The following FRMD4A variants were observed in gnomAD, a reference collection of about 807,000 sequenced individuals.
The protein encoded by FRMD4A is FERM domain-containing protein 4A.
A neutral mutation model predicts 129.1 loss-of-function variants in FRMD4A; 29 were observed. That is an observed-to-expected ratio of 0.22 (90% CI 0.17 to 0.31). The LOEUF is 0.31. Among genes scored for constraint, FRMD4A ranks in the 10% least tolerant of loss-of-function variants. FRMD4A has a pLI of 1.00. For missense variants in FRMD4A, 1,272 were observed against 1,375.8 expected, an observed-to-expected ratio of 0.92 and a Z score of 1.19; for synonymous variants, 634 against 571.6, an observed-to-expected ratio of 1.11 and a Z score of -1.56.
At chr10:14,089,709 G>A (rs1201131800) in intron 2 of FRMD4A, among the ~76,000 whole-genome samples, 1 of 151,026 alleles carries the variant, frequency 6.6e-6, no homozygotes, top group Non-Finnish European at 1.5e-5. Context: ...ATTTTCGCTT[G>A]TGGGAAAATA....
At chr10:13,945,942 A>G (rs2095328053) in intron 2 of FRMD4A, among the ~76,000 whole-genome samples, 1 of 152,224 alleles carries the variant, frequency 6.6e-6, no homozygotes, top group Admixed American at 6.5e-5. Context: ...GCTGCAAACA[A>G]AGCCATCAAT....
chr10:14,268,773 C>G (rs1259437705), intron 2 of FRMD4A, among the ~76,000 whole-genome samples: 3 of 152,178 alleles, frequency 2.0e-5, no homozygotes, highest in South Asian at 4.1e-4. Flanking sequence ...CTGGGCTAAG[C>G]CAATAGCCAA....
chr10:14,277,141 C>T (rs1290845381), intron 2 of FRMD4A, among the ~76,000 whole-genome samples: 2 of 152,158 alleles, frequency 1.3e-5, no homozygotes, highest in African/African-American at 2.4e-5. Flanking sequence ...GGATTATAGG[C>T]GTGAGCCACG....
chr10:13,888,760 C>T (rs61834313), intron 2 of FRMD4A, among the ~76,000 whole-genome samples: 2,243 of 152,308 alleles, frequency 0.015, 23 homozygotes, highest in Admixed American at 0.023. Context: ...TTACTCCTGA[C>T]ACTGGACTCA....
chr10:14,290,560 T>C (rs1845819289), intron 2 of FRMD4A, among the ~76,000 whole-genome samples: 1 of 152,050 alleles, frequency 6.6e-6, no homozygotes, highest in Admixed American at 6.6e-5. Flanking sequence ...TTATTTTACA[T>C]CATATGCACA....
chr10:14,139,675 C>T (rs1319469523), intron 2 of FRMD4A, among the ~76,000 whole-genome samples: 1 of 152,052 alleles, frequency 6.6e-6, no homozygotes, highest in East Asian at 1.9e-4. Context: ...GTCTGGAATG[C>T]CTGGGCTCAA....
intron 2 of FRMD4A, among the ~76,000 whole-genome samples, chr10:13,937,249 T>C (rs2095256370): frequency 6.6e-6 from 1 of 152,166 alleles, no homozygotes; most frequent in Non-Finnish European, 1.5e-5. Context: ...CTCAGGTGGG[T>C]GGTGAAGGAT....
intron 3 of FRMD4A, among the ~76,000 whole-genome samples, chr10:13,811,884 GTTT>G (rs775972279): frequency 1.5e-5 from 2 of 134,782 alleles, no homozygotes; most frequent in African/African-American, 5.5e-5. Context: ...TTATCTGTTG[GTTT>G]TTTTTTTTTT....
intron 2 of FRMD4A, among the ~76,000 whole-genome samples, chr10:14,302,616 C>A (rs1846221895): frequency 6.6e-6 from 1 of 152,202 alleles, no homozygotes; most frequent in South Asian, 2.1e-4. Flanking sequence ...TAATGCCTAG[C>A]ACATAGTAAT....
chr10:13,702,373 C>T (rs766355458), intron 13 of FRMD4A, among the ~76,000 whole-genome samples: 10 of 152,198 alleles, frequency 6.6e-5, no homozygotes, highest in Non-Finnish European at 1.3e-4. Context: ...CCTGTCTATA[C>T]ATTTTTAAAT....
At chr10:13,864,566 C>CTTCT (rs1437528040) in intron 2 of FRMD4A, among the ~76,000 whole-genome samples, 42 of 150,332 alleles carry the variant, frequency 2.8e-4, no homozygotes, top group Non-Finnish European at 2.7e-4. Context: ...TTTCTTCTTC[C>CTTCT]TTCTTTCTTT....
intron 2 of FRMD4A, among the ~76,000 whole-genome samples, chr10:13,878,093 A>G (rs997990403): frequency 1.3e-5 from 2 of 152,348 alleles, no homozygotes; most frequent in East Asian, 3.9e-4. Context: ...GGTGCATATC[A>G]TTAGTGAGCA....
chr10:13,802,924 G>A (rs2093285007), intron 4 of FRMD4A, among the ~76,000 whole-genome samples: 1 of 152,106 alleles, frequency 6.6e-6, no homozygotes, highest in Admixed American at 6.6e-5. Flanking sequence ...AAGGTGCGCT[G>A]ATTACCTGAA....
intron 2 of FRMD4A, among the ~76,000 whole-genome samples, chr10:14,203,091 A>T (rs1361807379): frequency 5.9e-5 from 9 of 151,894 alleles, no homozygotes; most frequent in Non-Finnish European, 2.9e-5. Flanking sequence ...AATATTTTAG[A>T]CTCAAGTTTA....
chr10:13,733,465 C>A (rs906059664), intron 12 of FRMD4A, among the ~76,000 whole-genome samples: 2 of 151,938 alleles, frequency 1.3e-5, no homozygotes, highest in African/African-American at 4.8e-5. Flanking sequence ...GATGGAGTCT[C>A]GCTCTGGAGT....
chr10:13,927,752 T>C (rs571875038), intron 2 of FRMD4A, among the ~76,000 whole-genome samples: 1 of 152,258 alleles, frequency 6.6e-6, no homozygotes, highest in African/African-American at 2.4e-5. Context: ...CATAACAACA[T>C]ATGGAAAGTA....
intron 6 of FRMD4A, among the ~76,000 whole-genome samples, chr10:13,781,244 C>T (rs2092724184): frequency 7.7e-6 from 1 of 130,450 alleles, no homozygotes; most frequent in Non-Finnish European, 1.5e-5. Context: ...GTGGAGGTTG[C>T]AGTGAGCCAA....
chr10:14,168,849 C>T (rs1438181307), intron 2 of FRMD4A, among the ~76,000 whole-genome samples: 1 of 152,160 alleles, frequency 6.6e-6, no homozygotes, highest in African/African-American at 2.4e-5. Context: ...AATCTGAATG[C>T]AGGTAGTCTG....
chr10:13,821,140 G>T lies in FRMD4A; in HGVS notation c.112-10232C>A, dbSNP rs989431788. Among the ~76,000 whole-genome samples, 1 of 152,140 alleles carries T rather than the reference G, an allele frequency of 6.6e-6. No individual in the cohort carries two copies. On this transcript the variant is annotated intron_variant, in intron 3 of 24. Coordinates refer to ENST00000357447, the MANE Select transcript of FRMD4A (RefSeq NM_018027.5). This position sits in a 1 kb window ranked among gnomAD's most constrained non-coding sequence, Gnocchi z 4.3. Reference sequence around the variant, plus strand: ...CCCGGGGAGGGGAAGCTGCTGCGGGGGGTGCATGAGGTGACTCTGTGCAGC... The same window carrying T: ...CCCGGGGAGGGGAAGCTGCTGCGGGTGGTGCATGAGGTGACTCTGTGCAGC...
Sources: allele counts gnomAD v4.1 joint callset (sites outside exome capture counted in the v4.1 genomes callset), GRCh38; gene constraint gnomAD v4.1.1; non-coding constraint Gnocchi (gnomAD v3.1); transcripts MANE v1.5; gene names NCBI Gene and HGNC (gene_info 2026-07-23, HGNC 2026-07-21).